CCSER1: variants seen among roughly 807,000 people sequenced by gnomAD.
CCSER1 encodes coiled-coil serine rich protein 1.
CCSER1 carries 41 observed loss-of-function variants against 82.0 expected under a neutral mutation model. That is an observed-to-expected ratio of 0.50 (90% confidence interval 0.39 to 0.65). CCSER1 has a LOEUF of 0.65. Among genes scored for constraint, CCSER1 ranks in the 30% least tolerant of loss-of-function variants. The pLI, the probability that CCSER1 is intolerant of heterozygous loss-of-function variation, is 0.00. For missense variants in CCSER1, 1,119 were observed against 1,064.2 expected (o/e 1.05, Z -0.72); for synonymous variants, 414 against 383.9 (o/e 1.08, Z -0.92).
chr4:91,253,744 A>T (rs1308671723), intron 10 of CCSER1, among the ~76,000 whole-genome samples: 1 of 152,178 alleles, frequency 6.6e-6, no homozygotes, highest in Non-Finnish European at 1.5e-5. Context: ...CTTCAGGCCT[A>T]TAGGAAGCAT....
Position 90,527,985 on chromosome 4 carries a change from AGAGT to A in CCSER1, c.1724+59636_1724+59639del, listed in dbSNP as rs371913836. 1.3e-4 allele frequency among the ~76,000 whole-genome samples: 20 copies of A among 152,280 alleles called. No homozygotes were observed. The East Asian group carries it at 1.3e-3, about 10-fold the overall frequency. ...CATAGGGGAAATTATGATGATTTAA[AGAGT>A]GAGTATCAGTATTTGACAGAGAAGG... On this transcript the variant is annotated intron_variant, in intron 5 of 10. Transcript: ENST00000509176.
chr4:91,192,206 C>A (rs1166730256), intron 10 of CCSER1, among the ~76,000 whole-genome samples: 1 of 152,060 alleles, frequency 6.6e-6, no homozygotes, highest in African/African-American at 2.4e-5. Context: ...CACTTTTCCC[C>A]CCATGGACTT....
At chr4:90,551,706 C>CTCTCTCTCTCTCTCTCTCTATATATATA in intron 5 of CCSER1, among the ~76,000 whole-genome samples, 3 of 104,224 alleles carry the variant, frequency 2.9e-5, no homozygotes, top group African/African-American at 1.4e-4. Context: ...CTCTCTCTCT[C>CTCTCTCTCTCTCTCTCTCTATATATATA]TATATATATA....
rs1772356553 is a variant in CCSER1, at chr4:90,516,866, T to A, written c.1724+48512T>A. ...TTTTGGAACAGGGAGATTATAATAC[T>A]TTTATGAGGTGGATTTTGCTTTGAA... On this transcript the variant is annotated intron_variant, in intron 5 of 10. Coordinates refer to ENST00000509176, the MANE Select transcript of CCSER1 (RefSeq NM_001145065.2). Among the ~76,000 whole-genome samples, 3 of 152,262 alleles carry A rather than the reference T, an allele frequency of 2.0e-5. No homozygotes were observed. The South Asian group carries it at 6.2e-4, about 32-fold the overall frequency.
intron 3 of CCSER1, among the ~76,000 whole-genome samples, chr4:90,340,166 A>G (rs1741138894): frequency 6.6e-6 from 1 of 152,152 alleles, no homozygotes; most frequent in Non-Finnish European, 1.5e-5. Flanking sequence ...GGCTTTTCAT[A>G]AAGTTCTGAA....
At position 91,078,351 on chromosome 4, in the gene CCSER1, G is replaced by T. The variant is rs1722261134; in HGVS notation, c.2173-7599G>T. Among the ~76,000 whole-genome samples, 4 of 152,180 alleles carry T rather than the reference G, an allele frequency of 2.6e-5. No homozygotes were observed. The South Asian group carries it at 8.3e-4, about 31-fold the overall frequency. ...ACTTCCAGCAAACTCCAACAGACCT[G>T]CAGCTGAAGGTCCTGACTGTTAGAA... On this transcript the variant is annotated intron_variant, in intron 9 of 10. Coordinates refer to ENST00000509176, the MANE Select transcript of CCSER1 (RefSeq NM_001145065.2).
In CCSER1 at chr4:91,326,595, C is replaced by G. The variant is rs187538648; in HGVS notation, c.2217+240601C>G. ...GGCCCCTCCCAAATTCCATGTCCTT[C>G]TCTTATTTCAAAACACAATCATGCC... On this transcript the variant is annotated intron_variant, in intron 10 of 10. Coordinates refer to ENST00000509176, the MANE Select transcript of CCSER1 (RefSeq NM_001145065.2). 2.7e-3 allele frequency among the ~76,000 whole-genome samples: 405 copies of G among 152,274 alleles called. 1 individual carries two copies. Among genetic ancestry groups the G allele is most frequent in the Admixed American group, 3.9e-3 (60 of 15,278 alleles).
intron 8 of CCSER1, among the ~76,000 whole-genome samples, chr4:90,844,134 A>C (rs1482124294): frequency 6.7e-6 from 1 of 148,742 alleles, no homozygotes; most frequent in African/African-American, 2.5e-5. Flanking sequence ...TATATCTTCC[A>C]GTGTGTGTGT....
At chr4:91,503,199 G>A (rs1013903918) in intron 10 of CCSER1, among the ~76,000 whole-genome samples, 7 of 151,928 alleles carry the variant, frequency 4.6e-5, no homozygotes, top group Admixed American at 1.3e-4. Flanking sequence ...AAAATAAGCT[G>A]GGCGTGGTGG....
chr4:90,960,222 C>T lies in CCSER1; in HGVS notation c.2172+36775C>T, dbSNP rs558448103. On this transcript the variant is annotated intron_variant, in intron 9 of 10. Transcript: ENST00000509176. The stretch of plus-strand genomic sequence containing the variant: ...TTACGTAATGCTTTTATATGCAAAA[C>T]ATCATGAAGCATAGTTCAAGAATAC... Among the ~76,000 whole-genome samples, 8 of 152,092 alleles carry T rather than the reference C, an allele frequency of 5.3e-5. No homozygotes were observed. In the East Asian group the frequency reaches 5.8e-4, roughly 11 times the overall value.
At chr4:90,941,590 T>C (rs1731588637) in intron 9 of CCSER1, among the ~76,000 whole-genome samples, 1 of 152,140 alleles carries the variant, frequency 6.6e-6, no homozygotes, top group African/African-American at 2.4e-5. Flanking sequence ...AGGAGATGCT[T>C]TTCAGGTTGT....
At chr4:91,396,125 T>C (rs183547929) in intron 10 of CCSER1, among the ~76,000 whole-genome samples, 2 of 152,246 alleles carry the variant, frequency 1.3e-5, no homozygotes, top group East Asian at 1.9e-4. Flanking sequence ...TTTTAACACA[T>C]TGCCTGAGGC....
chr4:91,564,485 G>A (rs1762793595), intron 10 of CCSER1, among the ~76,000 whole-genome samples: 1 of 152,024 alleles, frequency 6.6e-6, no homozygotes, highest in African/African-American at 2.4e-5. Flanking sequence ...TTTCCACAAT[G>A]GTTGAACTAA....
At chr4:91,486,342 T>G (rs1487448817) in intron 10 of CCSER1, among the ~76,000 whole-genome samples, 11 of 152,056 alleles carry the variant, frequency 7.2e-5, no homozygotes, top group African/African-American at 2.7e-4. Context: ...AGCATAAATT[T>G]AATATGGCTT....
At chr4:91,179,883 G>A (rs182501041) in intron 10 of CCSER1, among the ~76,000 whole-genome samples, 14 of 152,270 alleles carry the variant, frequency 9.2e-5, no homozygotes, top group African/African-American at 1.4e-4. Flanking sequence ...GAGAAGAGGC[G>A]CTCTGATTTT....
At chr4:90,996,604 A>G (rs1737516715) in intron 9 of CCSER1, among the ~76,000 whole-genome samples, 1 of 152,140 alleles carries the variant, frequency 6.6e-6, no homozygotes, top group African/African-American at 2.4e-5. Flanking sequence ...CATTCTACCA[A>G]TAGAATTCCT....
intron 1 of CCSER1, among the ~76,000 whole-genome samples, chr4:90,153,183 A>G (rs368022660): frequency 1.3e-5 from 2 of 151,350 alleles, no homozygotes; most frequent in Non-Finnish European, 2.9e-5. Context: ...ATGATTTCCA[A>G]TTTCATCCAT....
chr4:90,363,471 G>A (rs1366904758), intron 3 of CCSER1, among the ~76,000 whole-genome samples: 1 of 151,936 alleles, frequency 6.6e-6, no homozygotes, highest in Non-Finnish European at 1.5e-5. Context: ...ATCTGTTGGG[G>A]GGTTCTCTTT....
intron 10 of CCSER1, among the ~76,000 whole-genome samples, chr4:91,350,325 G>A (rs1360031570): frequency 6.6e-6 from 1 of 152,006 alleles, no homozygotes; most frequent in African/African-American, 2.4e-5. Context: ...ATTATATAAA[G>A]CATATACTTA....
Sources: gnomAD v4.1 joint callset for allele counts (sites outside exome capture counted in the v4.1 genomes callset) on GRCh38, gnomAD v4.1.1 for gene constraint, MANE v1.5 for transcripts, NCBI Gene and HGNC (gene_info 2026-07-23, HGNC 2026-07-21) for gene names.